The following GABRG3 variants were observed in gnomAD, a reference collection of about 807,000 sequenced individuals.
GABRG3 encodes the protein gamma-aminobutyric acid receptor subunit gamma-3.
A neutral mutation model predicts 48.8 loss-of-function variants in GABRG3; 25 were observed. That is an observed-to-expected ratio of 0.51 (90% confidence interval 0.37 to 0.72). The LOEUF (loss-of-function observed/expected upper bound fraction) is 0.72. Among genes scored for constraint, GABRG3 ranks in the 30% least tolerant of loss-of-function variants. GABRG3 has a pLI of 0.00. For missense variants in GABRG3, 394 were observed against 577.9 expected, an observed-to-expected ratio of 0.68 and a Z score of 3.26; for synonymous variants, 227 against 217.6, an observed-to-expected ratio of 1.04 and a Z score of -0.38.
chr15:27,402,549 G>T (rs573928185), intron 5 of GABRG3, among the ~76,000 whole-genome samples: 58 of 152,304 alleles, frequency 3.8e-4, no homozygotes, highest in Non-Finnish European at 6.8e-4. Flanking sequence ...AATATATCCT[G>T]GGAGTAAGGA....
At chr15:27,362,067 A>T (rs1019108687) in intron 5 of GABRG3, among the ~76,000 whole-genome samples, 1 of 152,196 alleles carries the variant, frequency 6.6e-6, no homozygotes, top group African/African-American at 2.4e-5. Flanking sequence ...AATGATGATA[A>T]TGACACACGT....
chr15:27,245,651 A>T (rs1313407653), intron 3 of GABRG3, among the ~76,000 whole-genome samples: 1 of 127,380 alleles, frequency 7.9e-6, no homozygotes, highest in Non-Finnish European at 1.6e-5. Context: ...AGGCAGGTGA[A>T]TTACAACGTC....
Position 27,307,793 on chromosome 15 carries a change from TATAAA to T in GABRG3, c.271-19010_271-19006del, listed in dbSNP as rs531872458. Among the ~76,000 whole-genome samples, 12 of 130,432 alleles carry T rather than the reference TATAAA, an allele frequency of 9.2e-5. No individual in the cohort carries two copies. In the South Asian group the frequency reaches 2.9e-3, roughly 31 times the overall value. 85.6% of individuals were successfully genotyped at this position (130,432 alleles called of 152,430 possible). On this transcript the variant is annotated intron_variant, in intron 3 of 9. Transcript: ENST00000615808. ...ACATATGTTTATATATAAACATATA[TATAAA>T]ATAAACATAAACATATATAAAATAA...
intron 5 of GABRG3, among the ~76,000 whole-genome samples, chr15:27,372,666 C>T (rs1450609650): frequency 6.6e-6 from 1 of 152,186 alleles, no homozygotes; most frequent in African/African-American, 2.4e-5. Flanking sequence ...TACTAGGCCA[C>T]CGTGCCTGGC....
intron 3 of GABRG3, among the ~76,000 whole-genome samples, chr15:27,244,210 T>C (rs1037465182): frequency 1.3e-5 from 2 of 152,182 alleles, no homozygotes; most frequent in Non-Finnish European, 2.9e-5. Flanking sequence ...AGGTGCTCAC[T>C]GAGCTGTGGG....
intron 2 of GABRG3, among the ~76,000 whole-genome samples, chr15:26,996,745 GT>G (rs1895348348): frequency 6.6e-6 from 1 of 152,014 alleles, no homozygotes; most frequent in Non-Finnish European, 1.5e-5. Context: ...CGCCTCCTGG[GT>G]TCATGCCATT....
At chr15:26,987,324 C>T (rs556307988) in intron 2 of GABRG3, among the ~76,000 whole-genome samples, 1 of 152,304 alleles carries the variant, frequency 6.6e-6, no homozygotes, top group South Asian at 2.1e-4. Flanking sequence ...GGAATAGAGC[C>T]CTTAGACAAC....
At chr15:27,086,390 G>A (rs957965610) in intron 3 of GABRG3, among the ~76,000 whole-genome samples, 7 of 152,176 alleles carry the variant, frequency 4.6e-5, no homozygotes, top group Non-Finnish European at 7.4e-5. Flanking sequence ...TGTGTCACTC[G>A]GGCACGTCTC....
At chr15:27,134,462 C>G (rs901204511) in intron 3 of GABRG3, among the ~76,000 whole-genome samples, 6 of 152,170 alleles carry the variant, frequency 3.9e-5, no homozygotes, top group African/African-American at 1.4e-4. Flanking sequence ...CATGGTGACT[C>G]TCCGCTCTGT....
intron 2 of GABRG3, among the ~76,000 whole-genome samples, chr15:27,002,523 T>C (rs1264170582): frequency 6.6e-6 from 1 of 152,164 alleles, no homozygotes; most frequent in Non-Finnish European, 1.5e-5. Flanking sequence ...GTGCAGCATT[T>C]CATTTTTTTC....
chr15:27,269,564 C>A (rs1441015185), intron 3 of GABRG3, among the ~76,000 whole-genome samples: 5 of 152,212 alleles, frequency 3.3e-5, no homozygotes, highest in African/African-American at 4.8e-5. Context: ...ATCTCCCTCC[C>A]AGCAAGTTTC....
intron 5 of GABRG3, among the ~76,000 whole-genome samples, chr15:27,381,123 C>A (rs1428398138): frequency 6.6e-6 from 1 of 152,052 alleles, no homozygotes; most frequent in East Asian, 1.9e-4. Flanking sequence ...TGGGCTGTGA[C>A]CTTCATAAAC....
intron 5 of GABRG3, among the ~76,000 whole-genome samples, chr15:27,361,365 G>A (rs1476564636): frequency 6.6e-6 from 1 of 152,224 alleles, no homozygotes; most frequent in Non-Finnish European, 1.5e-5. Context: ...CCAAGCCAAT[G>A]TGGCCTTGGG....
At chr15:27,258,247 T>C (rs1890679027) in intron 3 of GABRG3, among the ~76,000 whole-genome samples, 1 of 152,180 alleles carries the variant, frequency 6.6e-6, no homozygotes, top group Non-Finnish European at 1.5e-5. Flanking sequence ...CTTATTACCT[T>C]ATTTCAGTAT....
At chr15:27,309,981 TA>T (rs1892939962) in intron 3 of GABRG3, among the ~76,000 whole-genome samples, 1 of 152,082 alleles carries the variant, frequency 6.6e-6, no homozygotes, top group Non-Finnish European at 1.5e-5. Flanking sequence ...ATAATATTTA[TA>T]AAAAATAATG....
intron 3 of GABRG3, among the ~76,000 whole-genome samples, chr15:27,104,366 A>G (rs1897413262): frequency 6.6e-6 from 1 of 152,222 alleles, no homozygotes; most frequent in South Asian, 2.1e-4. Context: ...TCATGGCCAA[A>G]GTGGCGCGTG....
chr15:27,302,145 T>C (rs530776249), intron 3 of GABRG3, among the ~76,000 whole-genome samples: 11 of 152,084 alleles, frequency 7.2e-5, no homozygotes, highest in Non-Finnish European at 1.2e-4. Context: ...AATAGGATAT[T>C]CTTTTATACT....
At chr15:27,286,824 G>T (rs952018401) in intron 3 of GABRG3, among the ~76,000 whole-genome samples, 9 of 152,142 alleles carry the variant, frequency 5.9e-5, no homozygotes, top group Admixed American at 5.9e-4. Flanking sequence ...GGCAGGGAGA[G>T]CCCCTCCTTT....
chr15:27,137,294 T>G lies in GABRG3; in HGVS notation c.270+110473T>G, dbSNP rs1255406123. ...GACTCTACAGATTCGTCCCTACCAC[T>G]GTCTCCAATGAAATACACATGGCCT... On this transcript the variant is annotated intron_variant, in intron 3 of 9. Transcript: ENST00000615808. Among the ~76,000 whole-genome samples the G allele has an allele frequency of 2.0e-5, 3 of 152,300 alleles. No homozygotes were observed. In the East Asian group the frequency reaches 5.8e-4, roughly 29 times the overall value.
Sources: gnomAD v4.1 joint callset for allele counts (sites outside exome capture counted in the v4.1 genomes callset) on GRCh38, gnomAD v4.1.1 for gene constraint, MANE v1.5 for transcripts, NCBI Gene and HGNC (gene_info 2026-07-23, HGNC 2026-07-21) for gene names.